RPS23: variants seen among roughly 807,000 people sequenced by gnomAD.
The protein encoded by RPS23 is ribosomal protein S23.
For synonymous variants in RPS23, 66 were observed against 60.4 expected (o/e 1.09, Z -0.43); for missense variants, 73 against 174.5 (o/e 0.42, Z 3.28).
In RPS23 at chr5:82,275,384, T is replaced by A. The variant is rs1192581185; in HGVS notation, c.*725A>T. The A allele has an allele frequency of 4.3e-6, 3 of 696,506 alleles. No homozygotes were observed. The highest frequency in any genetic ancestry group is 5.2e-6 in the Non-Finnish European group (2 of 381,496). 43.1% of individuals were successfully genotyped at this position (696,506 alleles called of 1,614,324 possible). On this transcript the variant is annotated 3_prime_UTR_variant, in exon 4 of 4. Coordinates refer to ENST00000296674, the MANE Select transcript of RPS23 (RefSeq NM_001025.5). ...AACACAACCAATCTTGTCTCTACAC[T>A]AAACCACTTCATTTGCTGACTAGTC... is the stretch of plus-strand genomic sequence containing the variant.
At chr5:82,278,144 G>A (rs1262927211) in intron 1 of RPS23, 176 bp downstream of exon 1, 21 of 837,508 alleles carry the variant, frequency 2.5e-5, no homozygotes, top group Non-Finnish European at 3.5e-5. Context: ...CGGCCTCCAC[G>A]CCTCATGGGC....
chr5:82,276,663 A>G, intron 2 of RPS23, 145 bp from the exon 3 acceptor site: 3 of 952,490 alleles, frequency 3.1e-6, no homozygotes, highest in Non-Finnish European at 4.6e-6. Flanking sequence ...ATGTCAACCT[A>G]GTTTTCTGCC....
chr5:82,278,208 CCATGGAGCCTCTCCATGGCATCCCCCG>C, intron 1 of RPS23, 85 bp downstream of exon 1: 1 of 1,052,038 alleles, frequency 9.5e-7, no homozygotes, highest in South Asian at 1.4e-5. Context: ...CGGCCCTCCC[CCATGGAGCCTCTCCATGGCATCCCCCG>C]CCCTACTCTA....
Position 82,275,875 on chromosome 5 carries a change from G to T in RPS23, c.*234C>A. On this transcript the variant is annotated 3_prime_UTR_variant, in exon 4 of 4. Transcript: ENST00000296674. ...CCATTTTCTTATTCCACAGGATGAG[G>T]GAAACTGTGCCAGGTTACAAATGTT... 2.0e-6 allele frequency: 1 copy of T among 496,206 alleles called. No homozygotes were observed. The highest frequency in any genetic ancestry group is 1.9e-5 in the African/African-American group (1 of 51,346). 30.7% of individuals were successfully genotyped at this position (496,206 alleles called of 1,614,324 possible).
At chr5:82,277,405 C>A (rs528519518) in intron 2 of RPS23, 39 of 424,144 alleles carry the variant, frequency 9.2e-5, no homozygotes, top group South Asian at 8.5e-4. Context: ...GTGCCATTTA[C>A]TTATAACAAC....
chr5:82,276,845 C>CAAAAA (rs374894611), intron 2 of RPS23: 46,035 of 133,754 alleles, frequency 0.34, 8,495 homozygotes, highest in African/African-American at 0.4. Flanking sequence ...GACCCTATCT[C>CAAAAA]AAAAAAAAAA....
chr5:82,274,940 G>T lies in RPS23; in HGVS notation c.*1169C>A, dbSNP rs148986333. On this transcript the variant is annotated 3_prime_UTR_variant, in exon 4 of 4. Transcript: ENST00000296674. ...GACATGCAAGGAACCATAGTAACAGGAACAGAGGTCCTGAGGCTGGATATG... is the reference window on the plus strand; with the variant it reads ...GACATGCAAGGAACCATAGTAACAGTAACAGAGGTCCTGAGGCTGGATATG... The T allele has an allele frequency of 2.2e-3, 922 of 426,608 alleles. 7 individuals are homozygous for T. Among genetic ancestry groups the T allele is most frequent in the African/African-American group, 0.015 (760 of 50,458 alleles). The allele number at this position is 426,608 out of a possible 1,614,324, so 26.4% of individuals were successfully genotyped here. A position where few individuals can be genotyped will look rare whatever the true frequency, so the allele number is the denominator to read the frequency against.
chr5:82,277,711 C>G lies in RPS23; in HGVS notation c.146G>C (p.Gly49Ala). 6.2e-7 allele frequency: 1 copy of G among 1,614,004 alleles called. No homozygotes were observed. Among genetic ancestry groups the G allele is most frequent in the Non-Finnish European group, 8.5e-7 (1 of 1,179,884 alleles). Residue 49 changes from glycine (G) to alanine (A), a missense_variant, in exon 2 of 4, where the codon GGA becomes GCA. Gly to Ala is a moderately conservative substitution (Grantham distance 60). Coordinates refer to ENST00000296674, the MANE Select transcript of RPS23 (RefSeq NM_001025.5). ...GACTTACACTTTTTCCAGCACGATT[C>G]CTTTTGCATGAGAAGCACCTCCAAA... ...NPFGGASHAKGIVLEKVGVEA... is the reference protein window; with the variant it reads ...NPFGGASHAKAIVLEKVGVEA...
chr5:82,275,845 C>A lies in RPS23; in HGVS notation c.*264G>T. Reference sequence around the variant, plus strand: ...ACAATACTGCACATTTATTCCAGATCTATCCCATTTTCTTATTCCACAGGA... The same window carrying A: ...ACAATACTGCACATTTATTCCAGATATATCCCATTTTCTTATTCCACAGGA... On this transcript the variant is annotated 3_prime_UTR_variant, in exon 4 of 4. Coordinates refer to ENST00000296674, the MANE Select transcript of RPS23 (RefSeq NM_001025.5). The A allele has an allele frequency of 2.3e-6, 1 of 440,100 alleles. No individual in the cohort carries two copies. The highest frequency in any genetic ancestry group is 3.8e-5 in the East Asian group (1 of 25,976). The allele number at this position is 440,100 out of a possible 1,614,324, so 27.3% of individuals were successfully genotyped here.
rs1747771833 is a variant in RPS23, at chr5:82,276,267, T to C, written c.286-12A>G. The C allele has an allele frequency of 6.2e-7, 1 of 1,613,386 alleles. No homozygotes were observed. Among genetic ancestry groups the C allele is most frequent in the Non-Finnish European group, 8.5e-7 (1 of 1,179,694 alleles). On this transcript the variant is annotated splice_polypyrimidine_tract_variant and intron_variant, in intron 3 of 3. Coordinates refer to ENST00000296674, the MANE Select transcript of RPS23 (RefSeq NM_001025.5). ...ACTTCATCATTTTCCTGGAATAAAA[T>C]AAGAAGTTTATTTCTGGTGTTGGTG...
chr5:82,277,777 T>C lies in RPS23; in HGVS notation c.80A>G (p.Tyr27Cys). The change falls in exon 2 of 4, where the codon TAT (tyrosine) becomes TGT (cysteine). Residue 27 changes from tyrosine (Y) to cysteine (C), a missense_variant. Physicochemically the swap from Tyr to Cys is radical, Grantham distance 194. Coordinates refer to ENST00000296674, the MANE Select transcript of RPS23 (RefSeq NM_001025.5). ...RRDQKWHDKQ[Y>C]KKAHLGTALK... ...GGCTGTGCCCAAATGAGCTTTCTTA[T>C]ACTGTTTATCATGCCACTTCTGGTC... The C allele has an allele frequency of 6.2e-7, 1 of 1,613,966 alleles. No homozygotes were observed.
chr5:82,273,666 T>G lies in RPS23; in HGVS notation c.*2443A>C, dbSNP rs1747708595. On this transcript the variant is annotated 3_prime_UTR_variant, in exon 4 of 4. Transcript: ENST00000296674. ...CCGGGCTGCCTGTCTTTGATTTCAC[T>G]TCCTTGTTTTTTTCTTAAAACAGGT... 1 of 151,852 alleles carries G rather than the reference T, an allele frequency of 6.6e-6. No individual in the cohort carries two copies. The highest frequency in any genetic ancestry group is 2.1e-4 in the South Asian group (1 of 4,828). 9.4% of individuals were successfully genotyped at this position (151,852 alleles called of 1,614,324 possible).
Position 82,275,029 on chromosome 5 carries a change from G to A in RPS23, c.*1080C>T, listed in dbSNP as rs1747742328. 2 of 570,518 alleles carry A rather than the reference G, an allele frequency of 3.5e-6. No individual in the cohort carries two copies. Among genetic ancestry groups the A allele is most frequent in the Admixed American group, 3.1e-5 (1 of 32,558 alleles). The allele number at this position is 570,518 out of a possible 1,614,324, so 35.3% of individuals were successfully genotyped here. A position where few individuals can be genotyped will look rare whatever the true frequency, so the allele number is the denominator to read the frequency against. On this transcript the variant is annotated 3_prime_UTR_variant, in exon 4 of 4. Transcript: ENST00000296674. The stretch of plus-strand genomic sequence containing the variant: ...GCTGGAGCACAAAGTGCCAAGGAGA[G>A]AAATGGCAGGCTAAGGCTGGAATAT...
intron 2 of RPS23, chr5:82,276,758 T>C (rs1444107174): frequency 5.7e-6 from 3 of 522,598 alleles, no homozygotes; most frequent in South Asian, 2.6e-5. Context: ...CGTGGGCCTG[T>C]AGTCCCAACT....
intron 3 of RPS23, 22 bp from the exon 4 acceptor site, chr5:82,276,277 A>C: frequency 6.2e-7 from 1 of 1,613,374 alleles, no homozygotes; most frequent in Non-Finnish European, 8.5e-7. Flanking sequence ...TAAGAAGTTT[A>C]TTTCTGGTGT....
rs541909402 is a variant in RPS23, at chr5:82,277,794, C to T, written c.63G>A (p.Lys21=). 1.2e-6 allele frequency: 2 copies of T among 1,613,956 alleles called. No homozygotes were observed. Among genetic ancestry groups the T allele is most frequent in the East Asian group, 2.2e-5 (1 of 44,886 alleles). ...RKLRSHRRDQ[K]WHDKQYKKAH... ...CTTTCTTATACTGTTTATCATGCCA[C>T]TTCTGGTCTCGTCGGTGACTACGGA... Residue 21 remains lysine, a synonymous_variant, in exon 2 of 4, where the codon AAG becomes AAA. Coordinates refer to ENST00000296674, the MANE Select transcript of RPS23 (RefSeq NM_001025.5).
chr5:82,277,074 A>T (rs1747842241), intron 2 of RPS23, among the ~76,000 whole-genome samples: 1 of 150,306 alleles, frequency 6.7e-6, no homozygotes, highest in Non-Finnish European at 1.5e-5. Flanking sequence ...AATCCCAGCT[A>T]CCTGGGAGGC....
chr5:82,276,032 G>T lies in RPS23; in HGVS notation c.*77C>A. 7.3e-7 allele frequency: 1 copy of T among 1,364,832 alleles called. No homozygotes were observed. Among genetic ancestry groups the T allele is most frequent in the South Asian group, 1.4e-5 (1 of 73,806 alleles). 84.5% of individuals were successfully genotyped at this position (1,364,832 alleles called of 1,614,324 possible). ...TGGTAATGAACATGATCTTCGTGGTGAGAACAGGGGACAGTAAGATACAAA... is the reference window on the plus strand; with the variant it reads ...TGGTAATGAACATGATCTTCGTGGTTAGAACAGGGGACAGTAAGATACAAA... On this transcript the variant is annotated 3_prime_UTR_variant, in exon 4 of 4. Coordinates refer to ENST00000296674, the MANE Select transcript of RPS23 (RefSeq NM_001025.5).
At position 82,274,938 on chromosome 5, in the gene RPS23, AG is replaced by A; in HGVS notation, c.*1170del. On this transcript the variant is annotated 3_prime_UTR_variant, in exon 4 of 4. Transcript: ENST00000296674. ...GCGACATGCAAGGAACCATAGTAAC[AG>A]GAACAGAGGTCCTGAGGCTGGATAT... The A allele has an allele frequency of 4.8e-6, 2 of 414,180 alleles. No individual in the cohort carries two copies. The highest frequency in any genetic ancestry group is 4.4e-5 in the East Asian group (1 of 22,948). The allele number at this position is 414,180 out of a possible 1,614,324, so 25.7% of individuals were successfully genotyped here.
Sources: gnomAD v4.1 joint callset for allele counts (sites outside exome capture counted in the v4.1 genomes callset) on GRCh38, gnomAD v4.1.1 for gene constraint, MANE v1.5 for transcripts, NCBI Gene and HGNC (gene_info 2026-07-23, HGNC 2026-07-21) for gene names.